TMEM62: variants seen among roughly 807,000 people sequenced by gnomAD.
The protein encoded by TMEM62 is transmembrane protein 62.
TMEM62 carries 41 observed loss-of-function variants against 70.4 expected under a neutral mutation model. That is an observed-to-expected ratio of 0.58 (90% CI 0.45 to 0.76). TMEM62 has a LOEUF of 0.76. Ranked by LOEUF, TMEM62 falls within the 30% of genes least tolerant of loss-of-function variation. The pLI is 0.00. For missense variants in TMEM62, 688 were observed against 788.5 expected, an observed-to-expected ratio of 0.87 and a Z score of 1.53; for synonymous variants, 268 against 291.0, an observed-to-expected ratio of 0.92 and a Z score of 0.80.
At chr15:43,156,560 G>A (rs757478140) in intron 9 of TMEM62, among the ~76,000 whole-genome samples, 2 of 152,036 alleles carry the variant, frequency 1.3e-5, no homozygotes, top group African/African-American at 4.8e-5. Flanking sequence ...ACAGTCTGGA[G>A]TGCCTCAGAA....
chr15:43,153,139 A>T (rs1419373231), intron 8 of TMEM62, among the ~76,000 whole-genome samples: 1 of 152,182 alleles, frequency 6.6e-6, no homozygotes, highest in Non-Finnish European at 1.5e-5. Flanking sequence ...TTTCTTTAAG[A>T]AAGAGTTCTA....
chr15:43,159,956 A>G (rs553037254), intron 9 of TMEM62, among the ~76,000 whole-genome samples: 39 of 152,148 alleles, frequency 2.6e-4, no homozygotes, highest in African/African-American at 8.4e-4. Context: ...TAAATGTAGA[A>G]TTATAGGTTT....
chr15:43,137,516 T>A (rs1232088959), intron 3 of TMEM62, among the ~76,000 whole-genome samples: 2 of 152,278 alleles, frequency 1.3e-5, no homozygotes, highest in African/African-American at 4.8e-5. Context: ...TGACAGAGGC[T>A]GCTACAGTCA....
chr15:43,152,378 A>C (rs1596261803), intron 8 of TMEM62, among the ~76,000 whole-genome samples: 1 of 152,030 alleles, frequency 6.6e-6, no homozygotes, highest in East Asian at 1.9e-4. Context: ...TTCAGTTGGC[A>C]AATGAATTTG....
At chr15:43,182,448 C>T (rs369313298) in intron 13 of TMEM62, among the ~76,000 whole-genome samples, 1 of 149,266 alleles carries the variant, frequency 6.7e-6, no homozygotes. Flanking sequence ...CTTTTCTTTT[C>T]TTTTCTTTTT....
intron 5 of TMEM62, among the ~76,000 whole-genome samples, chr15:43,147,003 G>A (rs954289544): frequency 2.5e-4 from 38 of 152,152 alleles, no homozygotes; most frequent in African/African-American, 8.4e-4. Context: ...TTGCTCTGTC[G>A]GCCAGGCTGG....
chr15:43,166,413 G>C, intron 10 of TMEM62, among the ~76,000 whole-genome samples: 1 of 152,064 alleles, frequency 6.6e-6, no homozygotes, highest in Non-Finnish European at 1.5e-5. Context: ...ATATTAGATT[G>C]CATCTTTTCT....
chr15:43,133,158 C>G (rs374664105), upstream of TMEM62: 38 of 152,124 alleles, frequency 2.5e-4, no homozygotes, highest in African/African-American at 9.2e-4. Context: ...GCCATGATCG[C>G]GCCACTGCAT....
rs765643059 is a variant in TMEM62, at chr15:43,154,864, G to T, written c.1182+33G>T. On this transcript the variant is annotated intron_variant, in intron 9 of 13. Transcript: ENST00000260403. ...AGTAATTTATATTTACTATGTAAATGATTAAGCTGTAGCCACAATGAATTC... is the reference window on the plus strand; with the variant it reads ...AGTAATTTATATTTACTATGTAAATTATTAAGCTGTAGCCACAATGAATTC... 7.9e-6 allele frequency: 12 copies of T among 1,512,758 alleles called. No homozygotes were observed. In the South Asian group the frequency reaches 1.5e-4, roughly 19 times the overall value. The allele number at this position is 1,512,758 out of a possible 1,614,324, so 93.7% of individuals were successfully genotyped here. A position where few individuals can be genotyped will look rare whatever the true frequency, so the allele number is the denominator to read the frequency against.
At chr15:43,159,613 T>C (rs2038441862) in intron 9 of TMEM62, among the ~76,000 whole-genome samples, 1 of 152,214 alleles carries the variant, frequency 6.6e-6, no homozygotes, top group Non-Finnish European at 1.5e-5. Context: ...CTATTATGTA[T>C]ATATACCTCA....
intron 9 of TMEM62, among the ~76,000 whole-genome samples, chr15:43,155,458 T>G (rs1264521656): frequency 3.3e-5 from 5 of 152,160 alleles, no homozygotes; most frequent in Non-Finnish European, 5.9e-5. Flanking sequence ...ATTGTGCCAG[T>G]GCACTCTAGC....
Position 43,135,535 on chromosome 15 carries a change from A to G in TMEM62, c.316A>G (p.Lys106Glu), listed in dbSNP as rs2035090821. 1.6e-5 allele frequency: 25 copies of G among 1,607,188 alleles called. No homozygotes were observed. The highest frequency in any genetic ancestry group is 2.0e-5 in the Non-Finnish European group (24 of 1,178,510). ...ATGDLTDAKTKEQLGSRQHEV... is the reference protein window; with the variant it reads ...ATGDLTDAKTEEQLGSRQHEV... ...AGGAGACCTGACAGATGCCAAAACA[A>G]AGGAACAGTTGGGATCCAGGCAGCA... Residue 106 changes from lysine to glutamate, a missense_variant, in exon 3 of 14, where the codon AAG becomes GAG. Lys to Glu is a moderately conservative substitution (Grantham distance 56, BLOSUM62 1). Coordinates refer to ENST00000260403, the MANE Select transcript of TMEM62 (RefSeq NM_024956.4).
At chr15:43,171,875 C>A (rs1041984129) in intron 11 of TMEM62, among the ~76,000 whole-genome samples, 4 of 152,090 alleles carry the variant, frequency 2.6e-5, no homozygotes, top group Non-Finnish European at 5.9e-5. Context: ...GATCCACCCG[C>A]CTCAGCCTCC....
At chr15:43,181,517 T>C (rs572529902) in intron 13 of TMEM62, among the ~76,000 whole-genome samples, 49 of 152,332 alleles carry the variant, frequency 3.2e-4, no homozygotes, top group Non-Finnish European at 2.6e-4. Flanking sequence ...CATTTTTTTT[T>C]CCCCAAGACA....
chr15:43,163,041 G>T (rs749687649), intron 10 of TMEM62, among the ~76,000 whole-genome samples: 51 of 151,236 alleles, frequency 3.4e-4, no homozygotes, highest in Non-Finnish European at 8.8e-5. Flanking sequence ...CACATAGTAG[G>T]CCCTCAATAA....
chr15:43,150,874 G>C lies in TMEM62; in HGVS notation c.867-916G>C, dbSNP rs564224898. On this transcript the variant is annotated intron_variant, in intron 7 of 13. Coordinates refer to ENST00000260403, the MANE Select transcript of TMEM62 (RefSeq NM_024956.4). The stretch of plus-strand genomic sequence containing the variant: ...GATACCAGGAGACTGGGAAATTCAG[G>C]GGAATGTGTAGAGAATTTCGTGAGC... Among the ~76,000 whole-genome samples, 191 of 152,240 alleles carry C rather than the reference G, an allele frequency of 1.3e-3. 1 individual carries two copies. Among genetic ancestry groups the C allele is most frequent in the Middle Eastern group, 6.8e-3 (2 of 294 alleles).
chr15:43,184,594 G>A lies in TMEM62; in HGVS notation c.*8G>A. The A allele has an allele frequency of 2.5e-6, 4 of 1,605,644 alleles. No homozygotes were observed. Among genetic ancestry groups the A allele is most frequent in the Non-Finnish European group, 2.5e-6 (3 of 1,178,542 alleles). On this transcript the variant is annotated 3_prime_UTR_variant, in exon 14 of 14. Coordinates refer to ENST00000260403, the MANE Select transcript of TMEM62 (RefSeq NM_024956.4). The stretch of plus-strand genomic sequence containing the variant: ...AGCCACCTGAGCTCCTGAAGGCCAT[G>A]TCTCACCACTGGCAGCTGGGCAGAA...
At chr15:43,157,230 G>T (rs2141783112) in intron 9 of TMEM62, among the ~76,000 whole-genome samples, 1 of 152,246 alleles carries the variant, frequency 6.6e-6, no homozygotes, top group African/African-American at 2.4e-5. Flanking sequence ...CTGGGAACTT[G>T]TTAGAAATGG....
intron 4 of TMEM62, among the ~76,000 whole-genome samples, chr15:43,139,782 G>C (rs572217423): frequency 7.8e-4 from 118 of 152,160 alleles, no homozygotes; most frequent in Non-Finnish European, 1.3e-3. Context: ...AAGAAAAGTT[G>C]GAAGCTGGCA....
Sources: gnomAD v4.1 joint callset for allele counts (sites outside exome capture counted in the v4.1 genomes callset) on GRCh38, gnomAD v4.1.1 for gene constraint, MANE v1.5 for transcripts, NCBI Gene and HGNC (gene_info 2026-07-23, HGNC 2026-07-21) for gene names.